Variants in CABLES1 observed in about 807,000 individuals in gnomAD.
CABLES1 encodes the protein CDK5 and ABL1 enzyme substrate 1.
In CABLES1, 36 loss-of-function variants were observed where a neutral mutation model predicts 57.8. The ratio of observed to expected loss-of-function variants is 0.62; its 90% CI spans 0.48 to 0.82. The LOEUF is 0.82. Ranked by LOEUF, CABLES1 falls within the 40% of genes least tolerant of loss-of-function variation. The pLI, the probability that CABLES1 is intolerant of heterozygous loss-of-function variation, is 0.00. For synonymous variants in CABLES1, 374 were observed against 363.0 expected (o/e 1.03, Z -0.35); for missense variants, 767 against 836.6 (o/e 0.92, Z 1.03).
At chr18:23,237,354 A>C in intron 7 of CABLES1, 109 bp downstream of exon 7, 1 of 782,140 alleles carries the variant, frequency 1.3e-6, no homozygotes, top group South Asian at 1.4e-5. Flanking sequence ...GGGGACCTTC[A>C]TGAGGAGCTC....
intron 1 of CABLES1, among the ~76,000 whole-genome samples, chr18:23,171,385 T>C (rs891883009): frequency 2.6e-5 from 4 of 152,180 alleles, no homozygotes; most frequent in African/African-American, 4.8e-5. Context: ...AATGCATCAA[T>C]GAGTGAGTTT....
rs557965522 is a variant in CABLES1, at chr18:23,245,875, G to T, written c.1447-7085G>T. On this transcript the variant is annotated intron_variant, in intron 7 of 9. Transcript: ENST00000256925. Reference sequence around the variant, plus strand: ...AAAAAACACAACTGCCTGCTGCAGGGTTAGAACCCCCCATCCATCACACAG... The same window carrying T: ...AAAAAACACAACTGCCTGCTGCAGGTTTAGAACCCCCCATCCATCACACAG... 5.9e-5 allele frequency among the ~76,000 whole-genome samples: 9 copies of T among 152,354 alleles called. No individual in the cohort carries two copies. In the South Asian group the frequency reaches 1.2e-3, roughly 21 times the overall value.
chr18:23,144,993 T>C (rs1037556656), intron 1 of CABLES1, among the ~76,000 whole-genome samples: 1 of 151,514 alleles, frequency 6.6e-6, no homozygotes, highest in Non-Finnish European at 1.5e-5. Context: ...TGGAGTACAG[T>C]GGCGCAATCT....
At chr18:23,255,585 G>A (rs2048143893) in intron 9 of CABLES1, among the ~76,000 whole-genome samples, 1 of 146,756 alleles carries the variant, frequency 6.8e-6, no homozygotes, top group Admixed American at 6.7e-5. Context: ...TTTGAGACAG[G>A]GTCTCACTCT....
At chr18:23,233,459 A>C (rs1274546244) in intron 4 of CABLES1, among the ~76,000 whole-genome samples, 1 of 152,194 alleles carries the variant, frequency 6.6e-6, no homozygotes, top group Admixed American at 6.5e-5. Flanking sequence ...CCTCCTCTGT[A>C]AATTGGATCA....
chr18:23,199,011 A>C (rs746041178), intron 3 of CABLES1, among the ~76,000 whole-genome samples: 9 of 152,334 alleles, frequency 5.9e-5, no homozygotes, highest in Non-Finnish European at 1.3e-4. Flanking sequence ...CATTGACGAG[A>C]ATGTGGGAGA....
intron 4 of CABLES1, among the ~76,000 whole-genome samples, chr18:23,225,145 G>A (rs974628150): frequency 1.3e-5 from 2 of 152,200 alleles, no homozygotes; most frequent in African/African-American, 2.4e-5. Flanking sequence ...GGGATTACAG[G>A]TGTGAGCCAC....
intron 2 of CABLES1, among the ~76,000 whole-genome samples, chr18:23,192,474 C>T (rs573743684): frequency 1.2e-3 from 188 of 152,322 alleles, no homozygotes; most frequent in Middle Eastern, 6.8e-3. Flanking sequence ...TCTGTGCTGG[C>T]GTCAGTCCCA....
intron 4 of CABLES1, among the ~76,000 whole-genome samples, chr18:23,222,321 T>C (rs565726768): frequency 6.6e-6 from 1 of 151,786 alleles, no homozygotes; most frequent in East Asian, 1.9e-4. Flanking sequence ...TAAGAGCCCC[T>C]TCCTGTCTCA....
At chr18:23,194,643 C>T in intron 3 of CABLES1, 103 bp downstream of exon 3, 1 of 742,034 alleles carries the variant, frequency 1.3e-6, no homozygotes, top group Admixed American at 2.1e-5. Context: ...CGCAAGCCCA[C>T]ACTTTTAAGA....
intron 1 of CABLES1, among the ~76,000 whole-genome samples, chr18:23,148,686 T>C (rs1227475493): frequency 6.6e-6 from 1 of 152,134 alleles, no homozygotes; most frequent in African/African-American, 2.4e-5. Context: ...GGAGCAGTGA[T>C]TGTCCTGGAG....
intron 4 of CABLES1, among the ~76,000 whole-genome samples, chr18:23,231,628 GTCTT>G (rs757600733): frequency 2.4e-4 from 37 of 152,312 alleles, no homozygotes; most frequent in Non-Finnish European, 4.7e-4. Context: ...AGCCTTGCCC[GTCTT>G]TCTTGTGGTC....
chr18:23,150,049 C>G (rs1358711894), intron 1 of CABLES1: 1 of 152,282 alleles, frequency 6.6e-6, no homozygotes, highest in Non-Finnish European at 1.5e-5. Flanking sequence ...CCCGACACGG[C>G]CATGCTCTGT....
At position 23,257,313 on chromosome 18, in the gene CABLES1, C is replaced by T. The variant is rs767520549; in HGVS notation, c.1848C>T (p.His616=). 1.9e-6 allele frequency: 3 copies of T among 1,613,884 alleles called. No homozygotes were observed. Among genetic ancestry groups the T allele is most frequent in the South Asian group, 2.2e-5 (2 of 91,040 alleles). The change falls in exon 10 of 10, where the codon CAC becomes CAT. Residue 616 remains histidine, a synonymous_variant. Coordinates refer to ENST00000256925, the MANE Select transcript of CABLES1 (RefSeq NM_001100619.3). ...TAGTGGCCTTGGAATTCGCCCTCCA[C>T]TTGCCCGAGCACGAAGTCATGCCCC... ...PVLVALEFAL[H]LPEHEVMPHY... is the part of the protein sequence containing the mutation.
chr18:23,137,740 C>T (rs938473029), intron 1 of CABLES1, among the ~76,000 whole-genome samples: 2 of 152,224 alleles, frequency 1.3e-5, no homozygotes, highest in Admixed American at 6.5e-5. Flanking sequence ...GCCTCATCCA[C>T]AAGTTTGCCC....
chr18:23,180,821 G>T (rs1191354217), intron 1 of CABLES1, among the ~76,000 whole-genome samples: 2 of 152,172 alleles, frequency 1.3e-5, no homozygotes, highest in Non-Finnish European at 2.9e-5. Flanking sequence ...CATTTCAAGA[G>T]CAAAAGATTA....
chr18:23,154,434 A>G lies in CABLES1; in HGVS notation c.845+17827A>G, dbSNP rs141894799. On this transcript the variant is annotated intron_variant, in intron 1 of 9. Coordinates refer to ENST00000256925, the MANE Select transcript of CABLES1 (RefSeq NM_001100619.3). The stretch of plus-strand genomic sequence containing the variant: ...CTACCGAGCCATAGGGAAATTGCAC[A>G]TCCCACATCTGCCGATTCCTTAATC... 2.3e-4 allele frequency among the ~76,000 whole-genome samples: 35 copies of G among 152,298 alleles called. No homozygotes were observed. In the East Asian group the frequency reaches 5.4e-3, roughly 24 times the overall value.
At chr18:23,226,401 C>CAA (rs35135711) in intron 4 of CABLES1, among the ~76,000 whole-genome samples, 10 of 131,074 alleles carry the variant, frequency 7.6e-5, no homozygotes, top group African/African-American at 2.6e-4. Flanking sequence ...GACTTCATCT[C>CAA]AAAAAAAAAA....
At chr18:23,192,475 G>A (rs534736136) in intron 2 of CABLES1, among the ~76,000 whole-genome samples, 1 of 152,284 alleles carries the variant, frequency 6.6e-6, no homozygotes, top group Non-Finnish European at 1.5e-5. Flanking sequence ...CTGTGCTGGC[G>A]TCAGTCCCAG....
Sources: allele counts gnomAD v4.1 joint callset (sites outside exome capture counted in the v4.1 genomes callset), GRCh38; gene constraint gnomAD v4.1.1; transcripts MANE v1.5; gene names NCBI Gene and HGNC (gene_info 2026-07-23, HGNC 2026-07-21).